Variants in ARID1B observed in about 807,000 individuals in gnomAD.
ARID1B encodes the protein AT-rich interactive domain-containing protein 1B.
Under a neutral mutation model 212.3 loss-of-function variants are expected in ARID1B, and 30 were observed. The observed-to-expected ratio is 0.14, with a 90% CI of 0.11 to 0.19. The LOEUF is 0.19. Among genes scored for constraint, ARID1B ranks in the 10% least tolerant of loss-of-function variants. The probability of loss-of-function intolerance (pLI) is 1.00; values close to 1 mark genes in which losing one functional copy is unlikely to be tolerated. For synonymous variants in ARID1B, 1,402 were observed against 1,301.7 expected, an observed-to-expected ratio of 1.08 and a Z score of -1.66; for missense variants, 2,891 against 3,204.0, an observed-to-expected ratio of 0.90 and a Z score of 2.36.
chr6:156,787,455 C>T (rs1048890912), intron 1 of ARID1B, among the ~76,000 whole-genome samples: 2 of 152,196 alleles, frequency 1.3e-5, no homozygotes, highest in African/African-American at 2.4e-5. Context: ...CACCATATTT[C>T]ATAGCCTTAT....
At chr6:157,118,072 T>A (rs552512897) in intron 6 of ARID1B, among the ~76,000 whole-genome samples, 1 of 152,236 alleles carries the variant, frequency 6.6e-6, no homozygotes, top group Non-Finnish European at 1.5e-5. Context: ...GTCAGCTAGT[T>A]TTATGGTGAT....
rs117221137 is a variant in ARID1B, at chr6:157,142,197, G to A, written c.2762-6427G>A. ...AAATCAGATCAGTGGTTGCCAGGGG[G>A]TGGCATGGGGATAAGGTTGACTTAT... On this transcript the variant is annotated intron_variant, in intron 7 of 19. Transcript: ENST00000636930. Among the ~76,000 whole-genome samples, 796 of 152,302 alleles carry A rather than the reference G, an allele frequency of 5.2e-3. 4 individuals carry two copies. The highest frequency in any genetic ancestry group is 8.5e-3 in the Non-Finnish European group (578 of 68,022).
chr6:157,093,416 G>GT (rs1005645017), intron 5 of ARID1B, among the ~76,000 whole-genome samples: 5 of 152,152 alleles, frequency 3.3e-5, no homozygotes, highest in Admixed American at 3.3e-4. Context: ...TTACTAATCA[G>GT]TTTCATCACT....
chr6:157,162,361 A>C (rs746487488), intron 8 of ARID1B, among the ~76,000 whole-genome samples: 14 of 152,330 alleles, frequency 9.2e-5, no homozygotes, highest in Middle Eastern at 3.4e-3. Flanking sequence ...AACCATTGGA[A>C]ATAGTCGCTT....
intron 4 of ARID1B, among the ~76,000 whole-genome samples, chr6:156,993,410 A>G (rs893682671): frequency 6.6e-6 from 1 of 152,186 alleles, no homozygotes; most frequent in Non-Finnish European, 1.5e-5. Context: ...TTTGGCCTCA[A>G]GTTTTTAGCA....
Position 156,778,277 on chromosome 6 carries a change from G to A in ARID1B, c.597G>A (p.Gln199=), listed in dbSNP as rs1011328712. 1.9e-6 allele frequency: 3 copies of A among 1,540,480 alleles called. No individual in the cohort carries two copies. Among genetic ancestry groups the A allele is most frequent in the Admixed American group, 2.0e-5 (1 of 50,898 alleles). The change falls in exon 1 of 20, where the codon CAG becomes CAA. Residue 199 remains glutamine (Q), a synonymous_variant. Transcript: ENST00000636930. The stretch of plus-strand genomic sequence containing the variant: ...AGCAGCTAAACCAGTTCCAGCAGCA[G>A]CAGCAGCAGCAGCAACAGCAGCAGC... ...LQQQLNQFQQ[Q]QQQQQQQQQQ... is the part of the protein sequence containing the mutation.
intron 4 of ARID1B, among the ~76,000 whole-genome samples, chr6:157,010,276 CT>C (rs143155893): frequency 0.32 from 38,835 of 122,748 alleles, 5,761 homozygotes; most frequent in Admixed American, 0.35. Flanking sequence ...TATGCATTGC[CT>C]GTTTTTTTTT....
At chr6:156,860,700 A>G (rs745451963) in intron 2 of ARID1B, among the ~76,000 whole-genome samples, 27 of 152,232 alleles carry the variant, frequency 1.8e-4, no homozygotes, top group Non-Finnish European at 3.4e-4. Flanking sequence ...CTTGCATGTA[A>G]TGGAATCTTT....
intron 4 of ARID1B, among the ~76,000 whole-genome samples, chr6:157,068,595 G>T (rs1783824749): frequency 6.6e-6 from 1 of 152,218 alleles, no homozygotes; most frequent in Admixed American, 6.5e-5. Context: ...TATGCATACT[G>T]TGACATTTCT....
intron 7 of ARID1B, among the ~76,000 whole-genome samples, chr6:157,135,644 C>A (rs759024726): frequency 1.3e-5 from 2 of 152,200 alleles, no homozygotes; most frequent in Non-Finnish European, 2.9e-5. Context: ...AAAATCATCA[C>A]CTTTTCCGCC....
chr6:156,867,245 A>C (rs1785767272), intron 2 of ARID1B, among the ~76,000 whole-genome samples: 2 of 152,236 alleles, frequency 1.3e-5, no homozygotes, highest in East Asian at 3.8e-4. Flanking sequence ...CCTCCATGGA[A>C]AAGATGGTGC....
intron 1 of ARID1B, among the ~76,000 whole-genome samples, chr6:156,804,943 T>A (rs1781052367): frequency 6.8e-6 from 1 of 148,136 alleles, no homozygotes; most frequent in African/African-American, 2.5e-5. Flanking sequence ...CCTTAAAATA[T>A]AAAATTTAAA....
chr6:156,842,849 C>G (rs1783990898), intron 2 of ARID1B, among the ~76,000 whole-genome samples: 1 of 152,180 alleles, frequency 6.6e-6, no homozygotes, highest in Non-Finnish European at 1.5e-5. Flanking sequence ...TAATACTACT[C>G]ACTTTGCCAG....
chr6:157,089,743 T>C (rs1289301013), intron 5 of ARID1B, among the ~76,000 whole-genome samples: 1 of 152,170 alleles, frequency 6.6e-6, no homozygotes, highest in Non-Finnish European at 1.5e-5. Flanking sequence ...AGAAATGAAA[T>C]AGCTCCATCT....
At position 157,196,303 on chromosome 6, in the gene ARID1B, G is replaced by A. The variant is rs142808724; in HGVS notation, c.4370G>A (p.Ser1457Asn). 4.1e-5 allele frequency: 66 copies of A among 1,590,938 alleles called. No homozygotes were observed. Among genetic ancestry groups the A allele is most frequent in the Non-Finnish European group, 5.1e-5 (60 of 1,174,562 alleles). The stretch of plus-strand genomic sequence containing the variant: ...CGCCAGCAGTTTCCCTATGGAGCCA[G>A]TTACGACCGAAGGTGAGTATTTTTT... ...GQRQQFPYGASYDRRHEPYGQ... is the reference protein window; with the variant it reads ...GQRQQFPYGANYDRRHEPYGQ... The change falls in exon 16 of 20, where the codon AGT becomes AAT. Residue 1457 changes from serine (S) to asparagine (N), a missense_variant. By Grantham distance (46) the Ser-to-Asn change is conservative. Around this residue, in one of 7 missense-constraint regions of ARID1B, gnomAD observed 666 missense variants for 873.5 expected, o/e 0.76. Transcript: ENST00000636930.
chr6:156,779,617 C>G (rs1417341938), intron 1 of ARID1B, 146 bp downstream of exon 1: 1 of 838,738 alleles, frequency 1.2e-6, no homozygotes, highest in African/African-American at 1.8e-5. Context: ...GACGGGCGGC[C>G]GCCTCCCGCC....
intron 1 of ARID1B, 21 bp downstream of exon 1, chr6:156,779,492 GC>G: frequency 7.5e-7 from 1 of 1,325,584 alleles, no homozygotes; most frequent in Non-Finnish European, 9.7e-7. Context: ...CGCCAGCCGG[GC>G]CTGCTTCCGC....
chr6:156,952,704 T>C (rs542155176), intron 4 of ARID1B, among the ~76,000 whole-genome samples: 49 of 152,324 alleles, frequency 3.2e-4, no homozygotes, highest in African/African-American at 1.2e-3. Context: ...GAGGCAGCCG[T>C]GTCATGCTCC....
Position 157,148,991 on chromosome 6 carries a change from G to A in ARID1B, c.3089+40G>A. ...AGCACGCCCCGGGCAGGTACGCTGT[G>A]TGTCTACCCGTGACCACGTGACTGC... On this transcript the variant is annotated intron_variant, in intron 8 of 19. Coordinates refer to ENST00000636930, the MANE Select transcript of ARID1B (RefSeq NM_001374828.1). This position sits in a 1 kb window ranked among gnomAD's most constrained non-coding sequence, Gnocchi z 5.6. 6.4e-7 allele frequency: 1 copy of A among 1,566,512 alleles called. No homozygotes were observed. The highest frequency in any genetic ancestry group is 2.3e-5 in the East Asian group (1 of 43,492).
Sources: gnomAD v4.1 joint callset for allele counts (sites outside exome capture counted in the v4.1 genomes callset) on GRCh38, gnomAD v4.1.1 for gene constraint, gnomAD v4.1.1 regional missense constraint, Gnocchi (gnomAD v3.1) non-coding constraint, MANE v1.5 for transcripts, NCBI Gene and HGNC (gene_info 2026-07-23, HGNC 2026-07-21) for gene names.